The following MGLL variants were observed in gnomAD, a reference collection of about 807,000 sequenced individuals.
MGLL encodes the protein monoglyceride lipase, also known as lysophospholipase homolog.
Under a neutral mutation model 29.1 loss-of-function variants are expected in MGLL, and 7 were observed. The observed-to-expected ratio is 0.24, with a 90% CI of 0.14 to 0.45. MGLL has a LOEUF of 0.45. MGLL is among the 20% of genes least tolerant of loss of function. The pLI is 0.99. For synonymous variants in MGLL, 148 were observed against 168.3 expected (o/e 0.88, Z 0.93); for missense variants, 356 against 413.6 (o/e 0.86, Z 1.21).
chr3:127,771,909 G>A (rs1307264566), intron 3 of MGLL, among the ~76,000 whole-genome samples: 1 of 152,144 alleles, frequency 6.6e-6, no homozygotes, highest in Non-Finnish European at 1.5e-5. Context: ...CAACAGTCCC[G>A]GCTGTCTTGG....
intron 3 of MGLL, among the ~76,000 whole-genome samples, chr3:127,771,375 G>T (rs1180539312): frequency 5.9e-5 from 9 of 152,014 alleles, no homozygotes; most frequent in Non-Finnish European, 1.5e-5. Context: ...TTGCGATAGG[G>T]TCTCGCTCTG....
intron 2 of MGLL, among the ~76,000 whole-genome samples, chr3:127,794,213 GGC>G (rs1402636526): frequency 1.3e-5 from 2 of 152,160 alleles, no homozygotes; most frequent in Admixed American, 1.3e-4. Flanking sequence ...AGGAGGCTGA[GGC>G]GAGAGAATTG....
chr3:127,721,804 T>G (rs185984584), intron 4 of MGLL, among the ~76,000 whole-genome samples: 1 of 152,214 alleles, frequency 6.6e-6, no homozygotes, highest in Admixed American at 6.5e-5. Context: ...TGGTCAGATG[T>G]CCCCAGGCCT....
At chr3:127,736,871 T>G (rs1301673288) in intron 3 of MGLL, among the ~76,000 whole-genome samples, 1 of 152,102 alleles carries the variant, frequency 6.6e-6, no homozygotes, top group Non-Finnish European at 1.5e-5. Context: ...ATTTTTGTAT[T>G]TTTTGTAGAG....
intron 2 of MGLL, among the ~76,000 whole-genome samples, chr3:127,782,620 C>T (rs2077147084): frequency 6.6e-6 from 1 of 152,152 alleles, no homozygotes; most frequent in Non-Finnish European, 1.5e-5. Flanking sequence ...CATTTAGATT[C>T]CAAACTATCC....
intron 2 of MGLL, among the ~76,000 whole-genome samples, chr3:127,812,018 T>C (rs1011336876): frequency 2.0e-5 from 3 of 152,240 alleles, no homozygotes; most frequent in African/African-American, 7.2e-5. Context: ...CCACTCTGGA[T>C]CTAGCACATG....
intron 5 of MGLL, among the ~76,000 whole-genome samples, chr3:127,716,635 T>C (rs921604159): frequency 6.6e-6 from 1 of 152,250 alleles, no homozygotes; most frequent in Middle Eastern, 3.2e-3. Context: ...ATGCCTTTAT[T>C]GATCCAGAAG....
chr3:127,808,008 C>T (rs1448855311), intron 2 of MGLL, among the ~76,000 whole-genome samples: 3 of 152,048 alleles, frequency 2.0e-5, no homozygotes, highest in Non-Finnish European at 1.5e-5. Context: ...GATCCACCCG[C>T]CTCGGCCTCC....
chr3:127,769,567 G>A (rs929602221), intron 3 of MGLL, among the ~76,000 whole-genome samples: 6 of 152,194 alleles, frequency 3.9e-5, no homozygotes, highest in Non-Finnish European at 5.9e-5. Context: ...AGGCTGGTGA[G>A]GGGGAGGCTG....
At position 127,822,299 on chromosome 3, in the gene MGLL, CA is replaced by C; in HGVS notation, c.10+9del. On this transcript the variant is annotated intron_variant, in intron 1 of 7. Coordinates refer to ENST00000265052, the MANE Select transcript of MGLL (RefSeq NM_007283.7). ...CCTCCCATCTGAAATTCCAAGGATA[CA>C]TGACAAACCTGTTTCCATTATGTGC... The C allele has an allele frequency of 6.2e-7, 1 of 1,612,696 alleles. No homozygotes were observed.
chr3:127,815,254 C>T (rs1482244139), intron 2 of MGLL, among the ~76,000 whole-genome samples: 1 of 152,214 alleles, frequency 6.6e-6, no homozygotes, highest in East Asian at 1.9e-4. Flanking sequence ...CCGCAGCTTG[C>T]GATGATCCCA....
intron 3 of MGLL, among the ~76,000 whole-genome samples, chr3:127,755,407 C>CCAG (rs1379495743): frequency 1.3e-5 from 2 of 152,216 alleles, no homozygotes; most frequent in African/African-American, 4.8e-5. Context: ...CTTCCCTTAC[C>CCAG]CAGCAATCCA....
chr3:127,714,249 T>C (rs1224201989), intron 5 of MGLL: 1 of 152,192 alleles, frequency 6.6e-6, no homozygotes, highest in Non-Finnish European at 1.5e-5. Context: ...CTGGGAGGCC[T>C]CCCCGTCCTA....
At chr3:127,749,609 G>A (rs746081669) in intron 3 of MGLL, among the ~76,000 whole-genome samples, 5 of 152,090 alleles carry the variant, frequency 3.3e-5, no homozygotes, top group African/African-American at 7.2e-5. Context: ...TGCACCCCTC[G>A]CCAGTGCCTC....
At chr3:127,735,345 C>G (rs556701071) in intron 3 of MGLL, among the ~76,000 whole-genome samples, 1 of 152,314 alleles carries the variant, frequency 6.6e-6, no homozygotes, top group African/African-American at 2.4e-5. Context: ...TCGGACTGTT[C>G]ATAGCAGCCC....
At chr3:127,780,348 G>A (rs376406117) in intron 3 of MGLL, among the ~76,000 whole-genome samples, 6 of 152,222 alleles carry the variant, frequency 3.9e-5, no homozygotes, top group Middle Eastern at 6.8e-3. Context: ...AGAACATAAC[G>A]ATGATGAGTG....
At chr3:127,726,727 G>A (rs986498314) in intron 3 of MGLL, among the ~76,000 whole-genome samples, 3 of 152,148 alleles carry the variant, frequency 2.0e-5, no homozygotes, top group African/African-American at 7.2e-5. Flanking sequence ...ACCGCGCCTG[G>A]CCTACAGGGG....
intron 2 of MGLL, among the ~76,000 whole-genome samples, chr3:127,804,964 C>T (rs190524457): frequency 3.9e-5 from 6 of 152,252 alleles, no homozygotes; most frequent in Non-Finnish European, 7.4e-5. Flanking sequence ...CTTGGAGAGA[C>T]GGCCATTCTA....
chr3:127,734,661 C>G (rs375057174), intron 3 of MGLL, among the ~76,000 whole-genome samples: 5 of 152,392 alleles, frequency 3.3e-5, no homozygotes. Flanking sequence ...TATCTTGGCT[C>G]TGTCCCAACT....
Sources: allele counts gnomAD v4.1 joint callset (sites outside exome capture counted in the v4.1 genomes callset), GRCh38; gene constraint gnomAD v4.1.1; transcripts MANE v1.5; gene names NCBI Gene and HGNC (gene_info 2026-07-23, HGNC 2026-07-21).